Variants in MYO18B observed in about 807,000 individuals in gnomAD.
MYO18B encodes myosin XVIIIB.
In MYO18B, 204 loss-of-function variants were observed where a neutral mutation model predicts 273.0. The observed-to-expected ratio is 0.75, with a 90% CI of 0.67 to 0.84. The LOEUF (loss-of-function observed/expected upper bound fraction) is 0.84, where lower values mean the gene tolerates loss of function less well. Among genes scored for constraint, MYO18B ranks in the 40% least tolerant of loss-of-function variants. The pLI, the probability that MYO18B is intolerant of heterozygous loss-of-function variation, is 0.00. For missense variants in MYO18B, 3,212 were observed against 3,287.6 expected, an observed-to-expected ratio of 0.98 and a Z score of 0.56; for synonymous variants, 1,330 against 1,305.7, an observed-to-expected ratio of 1.02 and a Z score of -0.40.
chr22:25,789,953 G>A (rs933262234), intron 11 of MYO18B, among the ~76,000 whole-genome samples: 1 of 152,236 alleles, frequency 6.6e-6, no homozygotes, highest in Non-Finnish European at 1.5e-5. Flanking sequence ...AGGAGTTTGA[G>A]ACCAGGCAGA....
rs897438344 is a variant in MYO18B at position 25,769,445 on chromosome 22, C to T, written c.1512+17C>T. 4.7e-6 allele frequency: 7 copies of T among 1,497,468 alleles called. No homozygotes were observed. Among genetic ancestry groups the T allele is most frequent in the African/African-American group, 2.8e-5 (2 of 71,096 alleles). The allele number at this position is 1,497,468 out of a possible 1,614,324, so 92.8% of individuals were successfully genotyped here. A position where few individuals can be genotyped will look rare whatever the true frequency, so the allele number is the denominator to read the frequency against. On this transcript the variant is annotated intron_variant, in intron 4 of 43. Coordinates refer to ENST00000335473, the MANE Select transcript of MYO18B (RefSeq NM_032608.7). ...TCAGACCAGGTGAGGGGGCTGCGGC[C>T]CTGGGAGCGGGAAGCGGCAGACAGG...
intron 17 of MYO18B, among the ~76,000 whole-genome samples, chr22:25,838,494 C>T (rs1007718157): frequency 1.3e-5 from 2 of 152,230 alleles, no homozygotes. Flanking sequence ...AGTCATGCAC[C>T]ACATAGCAGT....
chr22:25,817,000 A>G (rs2089042907), intron 12 of MYO18B, among the ~76,000 whole-genome samples: 1 of 152,228 alleles, frequency 6.6e-6, no homozygotes, highest in Non-Finnish European at 1.5e-5. Context: ...TAACTTGGTT[A>G]TTAATAAATG....
intron 19 of MYO18B, 112 bp downstream of exon 19, chr22:25,846,395 G>C: frequency 8.3e-7 from 1 of 1,204,286 alleles, no homozygotes; most frequent in South Asian, 1.4e-5. Flanking sequence ...CAAGGCCAGA[G>C]GGGCGAGTGT....
rs754524498 is a variant in MYO18B at position 25,947,821 on chromosome 22, T to C, written c.5741T>C (p.Ile1914Thr). Residue 1914 changes from isoleucine to threonine, a missense_variant, in exon 36 of 44, where the codon ATT becomes ACT. By Grantham distance (89) the Ile-to-Thr change is moderately conservative (BLOSUM62 -1). Transcript: ENST00000335473. ...NELMQKHKDLIAQSAADIGQI... is the reference protein window; with the variant it reads ...NELMQKHKDLTAQSAADIGQI... ...CTGATGCAGAAGCACAAGGACCTCA[T>C]TGCTCAGGTAGTGAATGAGACCTTG... 6.2e-7 allele frequency: 1 copy of C among 1,613,350 alleles called. No homozygotes were observed. The highest frequency in any genetic ancestry group is 1.1e-5 in the South Asian group (1 of 90,998).
At chr22:25,820,070 T>C (rs375443312) in intron 12 of MYO18B, among the ~76,000 whole-genome samples, 1 of 118 alleles carries the variant, frequency 8.5e-3, no homozygotes, top group Non-Finnish European at 0.024. Flanking sequence ...ACCATCATCA[T>C]CACTATCATC....
chr22:25,981,413 C>T (rs1219608699), intron 39 of MYO18B, among the ~76,000 whole-genome samples: 1 of 152,180 alleles, frequency 6.6e-6, no homozygotes, highest in African/African-American at 2.4e-5. Flanking sequence ...GTTTTCACCT[C>T]CCATACTGCA....
chr22:25,916,991 C>T (rs2092270785), intron 33 of MYO18B, among the ~76,000 whole-genome samples: 1 of 152,126 alleles, frequency 6.6e-6, no homozygotes, highest in Non-Finnish European at 1.5e-5. Context: ...GAGATTGCGC[C>T]ACTGCACTCC....
rs753927345 is a variant in MYO18B at position 25,763,366 on chromosome 22, G to A, written c.175G>A (p.Ala59Thr). ...AKEARQRKQLAVASPEREIPE... is the reference protein window; with the variant it reads ...AKEARQRKQLTVASPEREIPE... ...GGAAGCGAGACAGAGGAAGCAGTTAGCTGTCGCCTCTCCAGAACGAGAGGT... is the reference window on the plus strand; with the variant it reads ...GGAAGCGAGACAGAGGAAGCAGTTAACTGTCGCCTCTCCAGAACGAGAGGT... Residue 59 changes from alanine to threonine, a missense_variant, in exon 3 of 44, where the codon GCT (alanine) becomes ACT (threonine). Coordinates refer to ENST00000335473, the MANE Select transcript of MYO18B (RefSeq NM_032608.7). The A allele has an allele frequency of 6.2e-7, 1 of 1,611,638 alleles. No individual in the cohort carries two copies.
intron 1 of MYO18B, among the ~76,000 whole-genome samples, chr22:25,759,734 G>T (rs1420036622): frequency 6.6e-6 from 1 of 152,184 alleles, no homozygotes; most frequent in Non-Finnish European, 1.5e-5. Context: ...TATAGTAATT[G>T]TATGGAGATA....
chr22:25,985,759 AG>A (rs1431722149), intron 39 of MYO18B, among the ~76,000 whole-genome samples: 1 of 151,938 alleles, frequency 6.6e-6, no homozygotes, highest in Non-Finnish European at 1.5e-5. Context: ...TCTCCTGAGT[AG>A]CTGGGACTAC....
chr22:25,849,217 G>A (rs1380316572), intron 20 of MYO18B, among the ~76,000 whole-genome samples: 2 of 152,160 alleles, frequency 1.3e-5, no homozygotes, highest in African/African-American at 2.4e-5. Context: ...AGGGTGTCCC[G>A]TTCCTGTGTT....
At chr22:25,812,210 C>T (rs1481474277) in intron 12 of MYO18B, among the ~76,000 whole-genome samples, 1 of 152,182 alleles carries the variant, frequency 6.6e-6, no homozygotes, top group Non-Finnish European at 1.5e-5. Flanking sequence ...ACAGGCCTGG[C>T]CTGTCTGCAT....
intron 17 of MYO18B, among the ~76,000 whole-genome samples, chr22:25,837,297 C>G (rs1255830205): frequency 1.3e-5 from 2 of 152,052 alleles, no homozygotes; most frequent in Non-Finnish European, 2.9e-5. Flanking sequence ...ATTCCTATGT[C>G]AAGGTGTCAG....
chr22:25,931,681 C>CTTTTTTTTTTTTTTTTTTTTTTTT (rs71311530), intron 34 of MYO18B, among the ~76,000 whole-genome samples: 2 of 123,520 alleles, frequency 1.6e-5, no homozygotes, highest in Non-Finnish European at 3.4e-5. Flanking sequence ...TTTCTTTTTT[C>CTTTTTTTTTTTTTTTTTTTTTTTT]TTTTTTTTTT....
At chr22:25,933,689 G>A (rs760016256) in intron 34 of MYO18B, among the ~76,000 whole-genome samples, 3 of 151,206 alleles carry the variant, frequency 2.0e-5, no homozygotes, top group Admixed American at 1.3e-4. Context: ...TTGTTGTTGC[G>A]GTTGTATGTG....
At chr22:25,802,206 A>G (rs528894737) in intron 12 of MYO18B, among the ~76,000 whole-genome samples, 9 of 152,252 alleles carry the variant, frequency 5.9e-5, no homozygotes, top group African/African-American at 1.9e-4. Flanking sequence ...TCAAGAACAC[A>G]CTTTACTTAC....
At chr22:25,906,324 G>A (rs1375250187) in intron 31 of MYO18B, among the ~76,000 whole-genome samples, 1 of 152,084 alleles carries the variant, frequency 6.6e-6, no homozygotes, top group Non-Finnish European at 1.5e-5. Flanking sequence ...AGGCTCCTTG[G>A]TTTTGGATTA....
chr22:25,887,426 A>G (rs1454243883), intron 25 of MYO18B, among the ~76,000 whole-genome samples: 2 of 152,108 alleles, frequency 1.3e-5, no homozygotes, highest in Non-Finnish European at 2.9e-5. Flanking sequence ...ATATACAACA[A>G]ATTTATTAAT....
Sources: gnomAD v4.1 joint callset for allele counts (sites outside exome capture counted in the v4.1 genomes callset) on GRCh38, gnomAD v4.1.1 for gene constraint, MANE v1.5 for transcripts, NCBI Gene and HGNC (gene_info 2026-07-23, HGNC 2026-07-21) for gene names.